PCSK2: variants seen among roughly 807,000 people sequenced by gnomAD.
PCSK2 encodes neuroendocrine convertase 2.
Under a neutral mutation model 69.7 loss-of-function variants are expected in PCSK2, and 14 were observed. The observed-to-expected ratio is 0.20, with a 90% CI of 0.13 to 0.31. PCSK2 has a LOEUF of 0.31. PCSK2 is among the 10% of genes least tolerant of loss of function. The pLI, the probability that PCSK2 is intolerant of heterozygous loss-of-function variation, is 1.00. For synonymous variants in PCSK2, 307 were observed against 320.7 expected, an observed-to-expected ratio of 0.96 and a Z score of 0.46; for missense variants, 544 against 842.5, an observed-to-expected ratio of 0.65 and a Z score of 4.39.
At chr20:17,458,958 T>C (rs1363727971) in intron 10 of PCSK2, among the ~76,000 whole-genome samples, 1 of 152,144 alleles carries the variant, frequency 6.6e-6, no homozygotes, top group Non-Finnish European at 1.5e-5. Flanking sequence ...GTGCTTTCTC[T>C]GTGGTCCTAG....
At chr20:17,292,003 C>T (rs1274324069) in intron 2 of PCSK2, among the ~76,000 whole-genome samples, 1 of 152,106 alleles carries the variant, frequency 6.6e-6, no homozygotes, top group Non-Finnish European at 1.5e-5. Context: ...TATCATTGCC[C>T]ACACCTTTTG....
At chr20:17,473,087 C>CTTTTTTTTTT (rs10648323) in intron 11 of PCSK2, among the ~76,000 whole-genome samples, 13 of 76,792 alleles carry the variant, frequency 1.7e-4, no homozygotes, top group East Asian at 4.7e-4. Flanking sequence ...AAGAAGAACT[C>CTTTTTTTTTT]TTTTTTTTTT....
chr20:17,333,865 T>C (rs964540014), intron 2 of PCSK2, among the ~76,000 whole-genome samples: 1 of 147,672 alleles, frequency 6.8e-6, no homozygotes, highest in Non-Finnish European at 1.5e-5. Context: ...CAGTAAGTCT[T>C]CACTGTGCTA....
intron 2 of PCSK2, among the ~76,000 whole-genome samples, chr20:17,301,205 T>G (rs1989071121): frequency 6.6e-6 from 1 of 152,202 alleles, no homozygotes; most frequent in African/African-American, 2.4e-5. Flanking sequence ...GGTCTTAGGA[T>G]AAAATTTCCA....
At chr20:17,446,790 A>C (rs2123368851) in intron 8 of PCSK2, among the ~76,000 whole-genome samples, 1 of 152,386 alleles carries the variant, frequency 6.6e-6, no homozygotes, top group Admixed American at 6.5e-5. Context: ...GTTTATTTTA[A>C]AATTCATATT....
At chr20:17,476,587 G>A (rs1009652170) in intron 11 of PCSK2, among the ~76,000 whole-genome samples, 2 of 152,184 alleles carry the variant, frequency 1.3e-5, no homozygotes, top group Admixed American at 6.5e-5. Flanking sequence ...ATATAGACAC[G>A]TTATATATAT....
intron 2 of PCSK2, among the ~76,000 whole-genome samples, chr20:17,301,912 A>G (rs1243428217): frequency 6.6e-6 from 1 of 152,116 alleles, no homozygotes; most frequent in African/African-American, 2.4e-5. Flanking sequence ...GCCTGGTGAC[A>G]GAGCAAGACT....
chr20:17,390,158 A>G (rs1252094817), intron 5 of PCSK2, among the ~76,000 whole-genome samples: 1 of 152,240 alleles, frequency 6.6e-6, no homozygotes, highest in African/African-American at 2.4e-5. Flanking sequence ...GCAAGAGTAC[A>G]TATACTCTCT....
At chr20:17,241,119 T>G (rs975053860) in intron 1 of PCSK2, among the ~76,000 whole-genome samples, 3 of 152,188 alleles carry the variant, frequency 2.0e-5, no homozygotes, top group Non-Finnish European at 4.4e-5. Flanking sequence ...ATATAGTGCA[T>G]GTGAGGCCGT....
At chr20:17,393,536 T>A (rs2031438134) in intron 5 of PCSK2, among the ~76,000 whole-genome samples, 1 of 151,968 alleles carries the variant, frequency 6.6e-6, no homozygotes, top group Non-Finnish European at 1.5e-5. Flanking sequence ...TTTAATCATT[T>A]ATCTTCAAAA....
At chr20:17,334,928 G>A (rs1303490642) in intron 2 of PCSK2, among the ~76,000 whole-genome samples, 1 of 152,228 alleles carries the variant, frequency 6.6e-6, no homozygotes, top group Non-Finnish European at 1.5e-5. Flanking sequence ...GTTTCAGACT[G>A]AGGCAAATCT....
intron 5 of PCSK2, among the ~76,000 whole-genome samples, chr20:17,379,837 A>C (rs2031038755): frequency 6.6e-6 from 1 of 152,220 alleles, no homozygotes; most frequent in Admixed American, 6.5e-5. Flanking sequence ...GGTGGGCCTG[A>C]ACTAATCAGG....
At chr20:17,336,858 C>T (rs1046779178) in intron 2 of PCSK2, among the ~76,000 whole-genome samples, 8 of 152,114 alleles carry the variant, frequency 5.3e-5, no homozygotes, top group African/African-American at 1.4e-4. Context: ...AGGTGCATTT[C>T]GGAGGCTGGG....
intron 2 of PCSK2, among the ~76,000 whole-genome samples, chr20:17,323,888 G>A (rs2424071): frequency 1.7e-3 from 257 of 152,312 alleles, no homozygotes; most frequent in South Asian, 4.1e-3. Context: ...ATTTCCAACT[G>A]CCAATACCTG....
chr20:17,305,328 G>T (rs561669648), intron 2 of PCSK2, among the ~76,000 whole-genome samples: 1 of 151,386 alleles, frequency 6.6e-6, no homozygotes, highest in East Asian at 1.9e-4. Context: ...AAATGAAAAT[G>T]TTTTTTTTTG....
chr20:17,329,546 T>A (rs1220619850), intron 2 of PCSK2, among the ~76,000 whole-genome samples: 2 of 152,248 alleles, frequency 1.3e-5, no homozygotes, highest in African/African-American at 4.8e-5. Context: ...ACTGAAAGAC[T>A]TATTACACGT....
At chr20:17,418,106 A>G (rs929515806) in intron 6 of PCSK2, among the ~76,000 whole-genome samples, 1 of 152,236 alleles carries the variant, frequency 6.6e-6, no homozygotes, top group Non-Finnish European at 1.5e-5. Context: ...CTAAAATAAC[A>G]CAAGGACAGC....
Position 17,467,723 on chromosome 20 carries a change from C to T in PCSK2, c.1430+2170C>T, listed in dbSNP as rs147049290. Among the ~76,000 whole-genome samples, 219 of 152,254 alleles carry T rather than the reference C, an allele frequency of 1.4e-3. 1 individual carries two copies. The highest frequency in any genetic ancestry group is 4.2e-3 in the African/African-American group (176 of 41,542). On this transcript the variant is annotated intron_variant, in intron 11 of 11. Transcript: ENST00000262545. ...TAAGAGATTTTTTTCTCTTTCCTCA[C>T]CAGTAAAACGGAGCTAATGTTTTTC...
At chr20:17,349,989 T>C (rs929772884) in intron 2 of PCSK2, among the ~76,000 whole-genome samples, 1 of 151,984 alleles carries the variant, frequency 6.6e-6, no homozygotes, top group African/African-American at 2.4e-5. Context: ...TGTTTTCTTG[T>C]AGTGATGTTA....
Sources: allele counts gnomAD v4.1 joint callset (sites outside exome capture counted in the v4.1 genomes callset), GRCh38; gene constraint gnomAD v4.1.1; transcripts MANE v1.5; gene names NCBI Gene and HGNC (gene_info 2026-07-23, HGNC 2026-07-21).